Variants in TMEM232 observed in about 807,000 individuals in gnomAD.
TMEM232 encodes transmembrane protein 232.
In TMEM232, 80 loss-of-function variants were observed where a neutral mutation model predicts 78.8. The observed-to-expected ratio is 1.01, with a 90% CI of 0.85 to 1.22. The LOEUF is 1.22. Ranked by LOEUF, TMEM232 falls within the 50% of genes most tolerant of loss-of-function variation. The pLI is 0.00. For missense variants in TMEM232, 881 were observed against 742.2 expected (o/e 1.19, Z -2.17); for synonymous variants, 297 against 254.3 (o/e 1.17, Z -1.60).
At chr5:110,589,953 G>A (rs1231823474) in intron 10 of TMEM232, among the ~76,000 whole-genome samples, 3 of 152,016 alleles carry the variant, frequency 2.0e-5, no homozygotes, top group Non-Finnish European at 2.9e-5. Flanking sequence ...GAAAAAATTT[G>A]TATTTCAAAT....
chr5:110,738,271 G>T (rs1285323452), upstream of TMEM232: 1 of 1,275,816 alleles, frequency 7.8e-7, no homozygotes, highest in East Asian at 5.8e-5. Flanking sequence ...CTCTACAGTA[G>T]TCCTCTCAGT....
At chr5:110,520,075 G>T (rs1433337747) in intron 12 of TMEM232, among the ~76,000 whole-genome samples, 1 of 148,022 alleles carries the variant, frequency 6.8e-6, no homozygotes, top group Non-Finnish European at 1.5e-5. Context: ...AGAGGATTAG[G>T]TAGGAGGAGT....
chr5:110,420,713 C>T lies in TMEM232; in HGVS notation c.1841G>A (p.Cys614Tyr). Residue 614 changes from cysteine to tyrosine, a missense_variant, in exon 14 of 14, where the codon TGC becomes TAC. Transcript: ENST00000455884. The part of the protein sequence containing the change: ...LKIREKEDAI[C>Y]KAQELKDKKL... ...TTTATCTTTAAGTTCTTGGGCCTTG[C>T]ATATTGCATCTTCTTTTTCTCGGAT... The T allele has an allele frequency of 1.3e-6, 2 of 1,525,838 alleles. No individual in the cohort carries two copies. Among genetic ancestry groups the T allele is most frequent in the Non-Finnish European group, 1.7e-6 (2 of 1,143,936 alleles). 94.5% of individuals were successfully genotyped at this position (1,525,838 alleles called of 1,614,324 possible).
chr5:110,677,046 C>T (rs1282498130), intron 1 of TMEM232, among the ~76,000 whole-genome samples: 1 of 152,126 alleles, frequency 6.6e-6, no homozygotes, highest in East Asian at 1.9e-4. Context: ...CAGGCGTGAG[C>T]CACCGCGCCC....
intron 4 of TMEM232, among the ~76,000 whole-genome samples, chr5:110,639,710 G>C (rs1786395695): frequency 6.6e-6 from 1 of 152,182 alleles, no homozygotes; most frequent in Non-Finnish European, 1.5e-5. Flanking sequence ...CAAATCACTA[G>C]CAAGTGAAAA....
chr5:110,464,168 G>A (rs1761832112), intron 12 of TMEM232, among the ~76,000 whole-genome samples: 1 of 152,112 alleles, frequency 6.6e-6, no homozygotes, highest in Non-Finnish European at 1.5e-5. Context: ...AACTATAAGA[G>A]GAAGGAATAT....
chr5:110,669,443 C>T (rs190175988), intron 1 of TMEM232, among the ~76,000 whole-genome samples: 2,922 of 152,248 alleles, frequency 0.019, 82 homozygotes, highest in African/African-American at 0.067. Flanking sequence ...GAAGCTGAAT[C>T]CCTGAATAGA....
chr5:110,627,210 A>G (rs1784523618), intron 6 of TMEM232, among the ~76,000 whole-genome samples: 1 of 152,062 alleles, frequency 6.6e-6, no homozygotes, highest in South Asian at 2.1e-4. Context: ...TCTTCTTTAC[A>G]TATAGCTTAG....
intron 1 of TMEM232, among the ~76,000 whole-genome samples, chr5:110,703,115 T>C (rs1166180248): frequency 6.6e-6 from 1 of 151,990 alleles, no homozygotes; most frequent in Non-Finnish European, 1.5e-5. Context: ...AAAAGGCTAC[T>C]ATAACACAAA....
intron 12 of TMEM232, among the ~76,000 whole-genome samples, chr5:110,454,442 C>T (rs1760667527): frequency 6.6e-6 from 1 of 151,782 alleles, no homozygotes; most frequent in African/African-American, 2.4e-5. Context: ...TATAATTGCA[C>T]CTGTGAATAG....
intron 8 of TMEM232, chr5:110,610,440 C>A: frequency 6.7e-6 from 2 of 296,464 alleles, no homozygotes; most frequent in Non-Finnish European, 1.3e-5. Flanking sequence ...TAAATAAAAA[C>A]CCCTAAGCAC....
intron 4 of TMEM232, among the ~76,000 whole-genome samples, chr5:110,639,255 G>C (rs73226250): frequency 0.019 from 2,824 of 152,214 alleles, 104 homozygotes; most frequent in African/African-American, 0.065. Flanking sequence ...ATGAGGAGCA[G>C]ACAAAAGTAC....
intron 8 of TMEM232, among the ~76,000 whole-genome samples, chr5:110,614,203 T>C (rs1045563639): frequency 6.6e-6 from 1 of 152,124 alleles, no homozygotes. Flanking sequence ...CTTCACTTGA[T>C]AATTTCCAAA....
intron 12 of TMEM232, among the ~76,000 whole-genome samples, chr5:110,431,559 G>A (rs1757852896): frequency 6.6e-6 from 1 of 151,564 alleles, no homozygotes; most frequent in Non-Finnish European, 1.5e-5. Flanking sequence ...AAATGATAAG[G>A]CATACTGGGC....
intron 12 of TMEM232, among the ~76,000 whole-genome samples, chr5:110,485,631 C>G (rs1764377601): frequency 6.6e-6 from 1 of 152,096 alleles, no homozygotes; most frequent in African/African-American, 2.4e-5. Context: ...ACTGCAAATG[C>G]TGTTAATTCA....
intron 2 of TMEM232, among the ~76,000 whole-genome samples, chr5:110,407,086 C>A (rs184468502): frequency 6.6e-6 from 1 of 152,150 alleles, no homozygotes; most frequent in Non-Finnish European, 1.5e-5. Flanking sequence ...AGGAAAGTCT[C>A]AAAACCATCA....
intron 10 of TMEM232, among the ~76,000 whole-genome samples, chr5:110,575,464 G>C (rs930574217): frequency 1.3e-4 from 20 of 152,010 alleles, no homozygotes; most frequent in Admixed American, 3.3e-4. Context: ...GAAATTTCAT[G>C]ATCTTTTCTA....
chr5:110,619,207 C>T (rs1561397236), intron 7 of TMEM232, among the ~76,000 whole-genome samples: 1 of 152,086 alleles, frequency 6.6e-6, no homozygotes, highest in Non-Finnish European at 1.5e-5. Flanking sequence ...GTGATAGGTA[C>T]TCAAATTGTT....
intron 4 of TMEM232, among the ~76,000 whole-genome samples, chr5:110,389,728 A>G (rs1405290524): frequency 6.6e-6 from 1 of 152,192 alleles, no homozygotes; most frequent in East Asian, 1.9e-4. Context: ...CTAGATGCCA[A>G]TATCAGACAG....
Sources: gnomAD v4.1 joint callset for allele counts (sites outside exome capture counted in the v4.1 genomes callset) on GRCh38, gnomAD v4.1.1 for gene constraint, MANE v1.5 for transcripts, NCBI Gene and HGNC (gene_info 2026-07-23, HGNC 2026-07-21) for gene names.